The following TTC39B variants were observed in gnomAD, a reference collection of about 807,000 sequenced individuals.
The protein encoded by TTC39B is tetratricopeptide repeat domain 39B.
TTC39B carries 92 observed loss-of-function variants against 96.6 expected under a neutral mutation model. The ratio of observed to expected loss-of-function variants is 0.95; its 90% CI spans 0.80 to 1.13. TTC39B has a LOEUF of 1.13. Ranked by LOEUF, TTC39B falls within the 50% of genes most tolerant of loss-of-function variation. TTC39B has a pLI of 0.00. For missense variants in TTC39B, 955 were observed against 809.3 expected (o/e 1.18, Z -2.18); for synonymous variants, 367 against 299.4 (o/e 1.23, Z -2.33).
At chr9:15,190,340 G>A (rs188890434) in intron 11 of TTC39B, among the ~76,000 whole-genome samples, 4 of 151,532 alleles carry the variant, frequency 2.6e-5, no homozygotes, top group East Asian at 3.9e-4. Flanking sequence ...GTTTTGTCTT[G>A]TTTTGTTTTT....
intron 1 of TTC39B, among the ~76,000 whole-genome samples, chr9:15,290,320 C>G (rs568678569): frequency 4.6e-5 from 7 of 152,094 alleles, no homozygotes; most frequent in African/African-American, 1.7e-4. Flanking sequence ...AAAATTTAAG[C>G]TTGGGAACTG....
chr9:15,185,454 T>C (rs753836524), intron 15 of TTC39B, 48 bp from the exon 16 acceptor site: 1 of 1,607,888 alleles, frequency 6.2e-7, no homozygotes, highest in Admixed American at 1.7e-5. Context: ...TGGCAACACA[T>C]ACATTATTTG....
chr9:15,174,989 A>C (rs375728312), intron 19 of TTC39B, 30 bp downstream of exon 19: 1 of 1,450,482 alleles, frequency 6.9e-7, no homozygotes, highest in East Asian at 2.3e-5. Flanking sequence ...ACTCCATAAC[A>C]ATCAAGGAAA....
chr9:15,215,403 C>CA (rs1318170828), intron 3 of TTC39B, among the ~76,000 whole-genome samples: 2 of 151,170 alleles, frequency 1.3e-5, no homozygotes, highest in Admixed American at 6.6e-5. Context: ...ACTAAAAATA[C>CA]AAAACTAGCT....
intron 1 of TTC39B, among the ~76,000 whole-genome samples, chr9:15,294,364 A>G (rs1260327376): frequency 6.6e-6 from 1 of 152,166 alleles, no homozygotes; most frequent in Admixed American, 6.5e-5. Context: ...CATACCTTTT[A>G]CAGGCCATAG....
intron 2 of TTC39B, among the ~76,000 whole-genome samples, chr9:15,231,177 T>C (rs1821401133): frequency 6.6e-6 from 1 of 152,164 alleles, no homozygotes; most frequent in Non-Finnish European, 1.5e-5. Context: ...TTCCGATTTT[T>C]TTAATTTTTA....
intron 1 of TTC39B, among the ~76,000 whole-genome samples, chr9:15,279,306 T>C (rs3901750): frequency 0.018 from 2,740 of 152,294 alleles, 94 homozygotes; most frequent in African/African-American, 0.062. Context: ...TGCTCCAAAA[T>C]AAATGTCTCA....
intron 7 of TTC39B, among the ~76,000 whole-genome samples, chr9:15,201,070 T>G (rs1001125827): frequency 2.5e-4 from 38 of 152,214 alleles, no homozygotes; most frequent in African/African-American, 8.9e-4. Context: ...AGCATCCTTC[T>G]GTAGCAAAAG....
At chr9:15,272,038 T>C (rs1013918432) in intron 1 of TTC39B, among the ~76,000 whole-genome samples, 34 of 152,208 alleles carry the variant, frequency 2.2e-4, no homozygotes, top group East Asian at 1.2e-3. Flanking sequence ...AGACTGCTCA[T>C]GCATCTGTTC....
At chr9:15,243,452 A>C (rs778882807) in intron 2 of TTC39B, among the ~76,000 whole-genome samples, 2 of 152,260 alleles carry the variant, frequency 1.3e-5, no homozygotes, top group Non-Finnish European at 2.9e-5. Context: ...ATTAAGGGGC[A>C]GAGCAAGATG....
chr9:15,230,916 C>CG (rs1329076164), intron 2 of TTC39B, among the ~76,000 whole-genome samples: 2 of 151,170 alleles, frequency 1.3e-5, no homozygotes, highest in Non-Finnish European at 2.9e-5. Flanking sequence ...ACCCGGGAGG[C>CG]GGAGGTTGCA....
chr9:15,237,387 A>G (rs886139008), intron 2 of TTC39B, among the ~76,000 whole-genome samples: 3 of 152,192 alleles, frequency 2.0e-5, no homozygotes, highest in African/African-American at 7.2e-5. Flanking sequence ...ACCATTAGCT[A>G]GACTAACCAA....
chr9:15,182,267 C>A, intron 17 of TTC39B, 40 bp downstream of exon 17: 1 of 1,311,140 alleles, frequency 7.6e-7, no homozygotes, highest in Non-Finnish European at 1.1e-6. Flanking sequence ...AGTCATGGAG[C>A]AGAGACAAAG....
chr9:15,268,972 C>T (rs146728028), intron 1 of TTC39B, among the ~76,000 whole-genome samples: 4 of 152,184 alleles, frequency 2.6e-5, no homozygotes, highest in African/African-American at 7.2e-5. Flanking sequence ...CTGACCACAT[C>T]CCCTTACTCA....
chr9:15,199,605 G>T (rs923963964), intron 8 of TTC39B, among the ~76,000 whole-genome samples: 1 of 151,214 alleles, frequency 6.6e-6, no homozygotes, highest in Non-Finnish European at 1.5e-5. Context: ...CGTGGTGGCG[G>T]GCGCCTGTAG....
chr9:15,186,901 T>C, intron 15 of TTC39B, 43 bp downstream of exon 15: 1 of 1,579,604 alleles, frequency 6.3e-7, no homozygotes, highest in South Asian at 1.1e-5. Flanking sequence ...TTTGCCCCTT[T>C]ATACCCTCAG....
intron 2 of TTC39B, among the ~76,000 whole-genome samples, chr9:15,260,738 T>C (rs1307671894): frequency 5.3e-5 from 8 of 152,154 alleles, no homozygotes; most frequent in Non-Finnish European, 2.9e-5. Context: ...CAAAATATTT[T>C]TATACTACAC....
In TTC39B at chr9:15,197,969, C is replaced by A. The variant is rs989394950; in HGVS notation, c.824+1892G>T. Among the ~76,000 whole-genome samples the A allele has an allele frequency of 2.6e-5, 4 of 152,152 alleles. No homozygotes were observed. The East Asian group carries it at 7.7e-4, about 29-fold the overall frequency. The stretch of plus-strand genomic sequence containing the variant: ...AAACAGAATTTGTTGAAAGCTGACA[C>A]CCTCTAAGAAATGCTAAAGGAAGTT... On this transcript the variant is annotated intron_variant, in intron 8 of 19. Coordinates refer to ENST00000512701, the Ensembl canonical transcript of TTC39B.
chr9:15,239,638 T>G (rs1435805541), intron 2 of TTC39B, among the ~76,000 whole-genome samples: 2 of 152,218 alleles, frequency 1.3e-5, no homozygotes, highest in African/African-American at 4.8e-5. Context: ...GAAGCCATTA[T>G]CCTAGATGAA....
Sources: allele counts gnomAD v4.1 joint callset (sites outside exome capture counted in the v4.1 genomes callset), GRCh38; gene constraint gnomAD v4.1.1; transcripts MANE v1.5; gene names NCBI Gene and HGNC (gene_info 2026-07-23, HGNC 2026-07-21).